The following ARNT2 variants were observed in gnomAD, a reference collection of about 807,000 sequenced individuals.
ARNT2 encodes the protein aryl hydrocarbon receptor nuclear translocator 2.
Under a neutral mutation model 91.7 loss-of-function variants are expected in ARNT2, and 36 were observed. That is an observed-to-expected ratio of 0.39 (90% CI 0.30 to 0.52). The LOEUF (loss-of-function observed/expected upper bound fraction) is 0.52. ARNT2 is among the 20% of genes least tolerant of loss of function. ARNT2 has a pLI of 0.72. For missense variants in ARNT2, 775 were observed against 939.3 expected (o/e 0.83, Z 2.29); for synonymous variants, 365 against 347.1 (o/e 1.05, Z -0.57).
chr15:80,572,731 A>C (rs1455086671), intron 12 of ARNT2, among the ~76,000 whole-genome samples: 2 of 152,216 alleles, frequency 1.3e-5, no homozygotes, highest in Non-Finnish European at 2.9e-5. Flanking sequence ...CTTCCTAATT[A>C]ATGCAGACAC....
chr15:80,505,362 G>C (rs1276094533), intron 5 of ARNT2, among the ~76,000 whole-genome samples: 1 of 152,186 alleles, frequency 6.6e-6, no homozygotes, highest in Non-Finnish European at 1.5e-5. Flanking sequence ...AATGCAGTGA[G>C]GGGGACAGAT....
At chr15:80,579,132 G>A (rs989668963) in intron 15 of ARNT2, among the ~76,000 whole-genome samples, 1 of 152,230 alleles carries the variant, frequency 6.6e-6, no homozygotes, top group Non-Finnish European at 1.5e-5. Context: ...TTCTGCCAAG[G>A]CGCCTTTCCT....
At chr15:80,407,140 A>G (rs1225296474) in intron 1 of ARNT2, among the ~76,000 whole-genome samples, 1 of 151,576 alleles carries the variant, frequency 6.6e-6, no homozygotes, top group Non-Finnish European at 1.5e-5. Flanking sequence ...GGTAAACAGA[A>G]CCAAATGGAT....
In ARNT2 at chr15:80,574,269, T is replaced by C. The variant is rs1898630871; in HGVS notation, c.1389+49T>C. ...CCTGTTGGAATTGTCTCCAGCCCAA[T>C]GGACTTGGGACTCAATTCAGCCCTG... On this transcript the variant is annotated intron_variant, in intron 13 of 18. Coordinates refer to ENST00000303329, the MANE Select transcript of ARNT2 (RefSeq NM_014862.4). 3 of 1,563,086 alleles carry C rather than the reference T, an allele frequency of 1.9e-6. No individual in the cohort carries two copies. In the South Asian group the frequency reaches 3.3e-5, roughly 17 times the overall value.
At chr15:80,457,891 C>G in intron 2 of ARNT2, 38 bp from the exon 3 acceptor site, 1 of 1,610,766 alleles carries the variant, frequency 6.2e-7, no homozygotes, top group South Asian at 1.1e-5. Flanking sequence ...AAATGTTCTC[C>G]TAATAATCAG....
chr15:80,579,480 A>G (rs1490517666), intron 15 of ARNT2, among the ~76,000 whole-genome samples: 1 of 152,026 alleles, frequency 6.6e-6, no homozygotes, highest in Non-Finnish European at 1.5e-5. Context: ...ATTTTACCCA[A>G]TCTCTGCTGA....
intron 1 of ARNT2, among the ~76,000 whole-genome samples, chr15:80,409,518 T>C (rs1179462260): frequency 6.6e-6 from 1 of 152,226 alleles, no homozygotes; most frequent in Non-Finnish European, 1.5e-5. Flanking sequence ...TTGGCAATTA[T>C]GACGAATGAA....
chr15:80,404,420 C>T lies in ARNT2; in HGVS notation c.-96C>T. ...GCCGTCCTTTGTGTGGCGGCGGCGGCGCCTGGGCCTGACCGGGTCCCCGGG... is the reference window on the plus strand; with the variant it reads ...GCCGTCCTTTGTGTGGCGGCGGCGGTGCCTGGGCCTGACCGGGTCCCCGGG... On this transcript the variant is annotated 5_prime_UTR_variant, in exon 1 of 19. Coordinates refer to ENST00000303329, the MANE Select transcript of ARNT2 (RefSeq NM_014862.4). The surrounding 1 kb of genome is among the most constrained non-coding windows in gnomAD (Gnocchi z 5.5). 1 of 797,888 alleles carries T rather than the reference C, an allele frequency of 1.3e-6. No homozygotes were observed. The highest frequency in any genetic ancestry group is 1.5e-6 in the Non-Finnish European group (1 of 646,670). 49.4% of individuals were successfully genotyped at this position (797,888 alleles called of 1,614,324 possible). A position where few individuals can be genotyped will look rare whatever the true frequency, so the allele number is the denominator to read the frequency against.
intron 1 of ARNT2, among the ~76,000 whole-genome samples, chr15:80,420,911 C>T (rs1156307637): frequency 6.6e-6 from 1 of 152,092 alleles, no homozygotes; most frequent in African/African-American, 2.4e-5. Flanking sequence ...TGAGTATCTA[C>T]CCAAAGGCAA....
chr15:80,506,168 C>A (rs1897273549), intron 5 of ARNT2, among the ~76,000 whole-genome samples: 1 of 152,000 alleles, frequency 6.6e-6, no homozygotes, highest in Non-Finnish European at 1.5e-5. Context: ...GATCTCCTGA[C>A]CTCATGATCC....
intron 12 of ARNT2, among the ~76,000 whole-genome samples, chr15:80,569,140 C>T (rs533994441): frequency 6.6e-6 from 1 of 152,330 alleles, no homozygotes; most frequent in African/African-American, 2.4e-5. Flanking sequence ...GACATGATTC[C>T]AGCTACCTCA....
chr15:80,568,669 A>G (rs1898529819), intron 12 of ARNT2, among the ~76,000 whole-genome samples: 1 of 152,202 alleles, frequency 6.6e-6, no homozygotes, highest in Non-Finnish European at 1.5e-5. Context: ...ACAGCCAGTC[A>G]CCAAGCCCCA....
At chr15:80,538,876 T>G (rs1367360973) in intron 8 of ARNT2, among the ~76,000 whole-genome samples, 1 of 152,054 alleles carries the variant, frequency 6.6e-6, no homozygotes. Flanking sequence ...AAATGAATAT[T>G]AAGAATAAAT....
intron 12 of ARNT2, among the ~76,000 whole-genome samples, chr15:80,568,700 T>TC (rs1354747825): frequency 6.6e-6 from 1 of 152,116 alleles, no homozygotes; most frequent in Non-Finnish European, 1.5e-5. Context: ...CTATCCTGGA[T>TC]CCCTCCCTCT....
At chr15:80,475,773 A>G (rs1222926935) in intron 5 of ARNT2, among the ~76,000 whole-genome samples, 1 of 152,204 alleles carries the variant, frequency 6.6e-6, no homozygotes, top group East Asian at 1.9e-4. Flanking sequence ...TCGTTGATAT[A>G]TTAGCCAGAT....
intron 1 of ARNT2, among the ~76,000 whole-genome samples, chr15:80,450,439 G>A (rs1000193164): frequency 4.6e-5 from 7 of 152,154 alleles, no homozygotes; most frequent in African/African-American, 1.7e-4. Context: ...TAGGGCAACG[G>A]AGGGGCAGTG....
At position 80,506,488 on chromosome 15, in the gene ARNT2, G is replaced by A. The variant is rs138307370; in HGVS notation, c.623-1668G>A. 5.9e-5 allele frequency among the ~76,000 whole-genome samples: 9 copies of A among 152,326 alleles called. No homozygotes were observed. In the South Asian group the frequency reaches 1.7e-3, roughly 28 times the overall value. ...CTCAATCATCAGAATCCTTGCTGAG[G>A]ACAGTGCAGGGTGGTAGATATCAAG... On this transcript the variant is annotated intron_variant, in intron 5 of 18. Coordinates refer to ENST00000303329, the MANE Select transcript of ARNT2 (RefSeq NM_014862.4).
chr15:80,431,734 A>C (rs991730141), intron 1 of ARNT2, among the ~76,000 whole-genome samples: 1 of 152,146 alleles, frequency 6.6e-6, no homozygotes, highest in Non-Finnish European at 1.5e-5. Context: ...CTACTTATCC[A>C]GCAGGGATCC....
In ARNT2 at chr15:80,574,223, G is replaced by A. The variant is rs930397531; in HGVS notation, c.1389+3G>A. The A allele has an allele frequency of 4.3e-6, 7 of 1,613,768 alleles. No homozygotes were observed. In the Admixed American group the frequency reaches 8.3e-5, roughly 19 times the overall value. On this transcript the variant is annotated splice_donor_region_variant and intron_variant, in intron 13 of 18. Transcript: ENST00000303329. The stretch of plus-strand genomic sequence containing the variant: ...TGTCATCGTATGACTTATCCCAGGT[G>A]AGTTTCTGGAAAACCCTTTCCCTGT...
Sources: allele counts gnomAD v4.1 joint callset (sites outside exome capture counted in the v4.1 genomes callset), GRCh38; gene constraint gnomAD v4.1.1; non-coding constraint Gnocchi (gnomAD v3.1); transcripts MANE v1.5; gene names NCBI Gene and HGNC (gene_info 2026-07-23, HGNC 2026-07-21).